SCRN3: variants seen among roughly 807,000 people sequenced by gnomAD.
SCRN3 encodes the protein secernin 3.
A neutral mutation model predicts 43.1 loss-of-function variants in SCRN3; 39 were observed. That is an observed-to-expected ratio of 0.91 (90% CI 0.70 to 1.18). The LOEUF is 1.18. SCRN3 is among the 50% of genes most tolerant of loss of function. The pLI, the probability that SCRN3 is intolerant of heterozygous loss-of-function variation, is 0.00. For synonymous variants in SCRN3, 147 were observed against 163.1 expected (o/e 0.90, Z 0.75); for missense variants, 484 against 498.0 (o/e 0.97, Z 0.27).
intron 5 of SCRN3, among the ~76,000 whole-genome samples, chr2:174,421,039 G>T (rs1686275804): frequency 6.6e-6 from 1 of 152,000 alleles, no homozygotes; most frequent in South Asian, 2.1e-4. Context: ...AGATTTCTGA[G>T]GGGGAAAAAA....
intron 5 of SCRN3, among the ~76,000 whole-genome samples, chr2:174,418,939 G>A (rs1468529375): frequency 1.3e-5 from 2 of 152,124 alleles, no homozygotes; most frequent in African/African-American, 2.4e-5. Flanking sequence ...TTGAAGTAAT[G>A]GCTATATTGT....
rs1331120519 is a variant in SCRN3, at chr2:174,403,957, T to C, written c.542-146T>C. On this transcript the variant is annotated intron_variant, in intron 4 of 7. Transcript: ENST00000272732. Reference sequence around the variant, plus strand: ...TTTTAAAAGTAATTCATTTATCTTTTTGAATATGTAATAGATGCCCATGGC... The same window carrying C: ...TTTTAAAAGTAATTCATTTATCTTTCTGAATATGTAATAGATGCCCATGGC... 1.0e-5 allele frequency: 6 copies of C among 579,056 alleles called. No individual in the cohort carries two copies. The East Asian group carries it at 1.7e-4, about 17-fold the overall frequency. The allele number at this position is 579,056 out of a possible 1,614,324, so 35.9% of individuals were successfully genotyped here.
At chr2:174,412,973 A>C (rs1685978560) in intron 5 of SCRN3, among the ~76,000 whole-genome samples, 1 of 144,864 alleles carries the variant, frequency 6.9e-6, no homozygotes, top group Non-Finnish European at 1.5e-5. Context: ...GGTTCAAGCG[A>C]TTCTCCTGCC....
intron 5 of SCRN3, among the ~76,000 whole-genome samples, chr2:174,413,563 ACTTTT>A (rs1255135577): frequency 1.9e-5 from 2 of 107,984 alleles, no homozygotes; most frequent in African/African-American, 3.3e-5. Flanking sequence ...TTGCCCCCTC[ACTTTT>A]CTTTTTTTTT....
Position 174,398,498 on chromosome 2 carries a change from A to G in SCRN3, c.159+56A>G, listed in dbSNP as rs565609157. On this transcript the variant is annotated intron_variant, in intron 2 of 7. Coordinates refer to ENST00000272732, the MANE Select transcript of SCRN3 (RefSeq NM_024583.5). ...TGCCTTTTAAAAATATCATAAAGTTATTTCTATACATAGCAATTTGGAAGA... is the reference window on the plus strand; with the variant it reads ...TGCCTTTTAAAAATATCATAAAGTTGTTTCTATACATAGCAATTTGGAAGA... 3.5e-6 allele frequency: 5 copies of G among 1,423,734 alleles called. No individual in the cohort carries two copies. The East Asian group carries it at 1.3e-4, about 36-fold the overall frequency. The allele number at this position is 1,423,734 out of a possible 1,614,324, so 88.2% of individuals were successfully genotyped here. A position where few individuals can be genotyped will look rare whatever the true frequency, so the allele number is the denominator to read the frequency against.
chr2:174,418,143 A>G (rs1325042598), intron 5 of SCRN3, among the ~76,000 whole-genome samples: 1 of 152,254 alleles, frequency 6.6e-6, no homozygotes, highest in African/African-American at 2.4e-5. Context: ...ATAATAATTC[A>G]GTTATATTTA....
chr2:174,421,251 A>G (rs9679682), intron 5 of SCRN3, among the ~76,000 whole-genome samples: 81,640 of 152,064 alleles, frequency 0.54, 23,376 homozygotes, highest in African/African-American at 0.71. Flanking sequence ...AGGTGAAATA[A>G]AACAGAGAAT....
At chr2:174,403,512 A>C (rs1469440609) in intron 4 of SCRN3, among the ~76,000 whole-genome samples, 2 of 149,568 alleles carry the variant, frequency 1.3e-5, no homozygotes, top group Non-Finnish European at 3.0e-5. Context: ...CATTCATACC[A>C]TGGAATATTA....
intron 1 of SCRN3, 84 bp from the exon 2 acceptor site, chr2:174,398,191 A>T: frequency 1.3e-6 from 1 of 791,732 alleles, no homozygotes; most frequent in Non-Finnish European, 1.9e-6. Flanking sequence ...TGGCAATAAT[A>T]TCCTTTGGTC....
At chr2:174,398,106 TG>T in intron 1 of SCRN3, 168 bp from the exon 2 acceptor site, 1 of 396,896 alleles carries the variant, frequency 2.5e-6, no homozygotes, top group Non-Finnish European at 4.4e-6. Context: ...CCAGCCTGGG[TG>T]AAAGAGCTAG....
rs140532560 is a variant in SCRN3 at position 174,404,154 on chromosome 2, G to A, written c.593G>A (p.Arg198Gln). The A allele has an allele frequency of 1.4e-5, 22 of 1,613,678 alleles. No homozygotes were observed. In the African/African-American group the frequency reaches 1.9e-4, roughly 14 times the overall value. ...NQLSITTKIA[R>Q]EHPDMRNYAK... ...CTTTCCATAACAACCAAGATTGCCCGGGAACACCCAGACATGAGAAACTAT... is the reference window on the plus strand; with the variant it reads ...CTTTCCATAACAACCAAGATTGCCCAGGAACACCCAGACATGAGAAACTAT... Residue 198 changes from arginine to glutamine, a missense_variant, in exon 5 of 8, where the codon CGG becomes CAG. Physicochemically the swap from Arg to Gln is conservative, Grantham distance 43. Transcript: ENST00000272732.
chr2:174,401,958 G>T (rs1685521990), intron 4 of SCRN3, among the ~76,000 whole-genome samples: 2 of 152,152 alleles, frequency 1.3e-5, no homozygotes, highest in Admixed American at 6.5e-5. Context: ...TAGATGATTT[G>T]AACATTTAGA....
At chr2:174,396,333 T>A (rs910702377) in intron 1 of SCRN3, 120 of 985,792 alleles carry the variant, frequency 1.2e-4, no homozygotes, top group Non-Finnish European at 1.4e-4. Flanking sequence ...GTGGGCTAGG[T>A]GCAATTCTAA....
In SCRN3 at chr2:174,424,774, G is replaced by A. The variant is rs543663036; in HGVS notation, c.1092+125G>A. Reference sequence around the variant, plus strand: ...AAATAGTTTTAGGAATAGTTTAGATGCTCAGACTATAGTAGAGCTGTATTA... The same window carrying A: ...AAATAGTTTTAGGAATAGTTTAGATACTCAGACTATAGTAGAGCTGTATTA... On this transcript the variant is annotated intron_variant, in intron 7 of 7. Transcript: ENST00000272732. 4.7e-4 allele frequency: 320 copies of A among 682,970 alleles called. 4 individuals are homozygous for A. In the East Asian group the frequency reaches 8.8e-3, roughly 19 times the overall value. 42.3% of individuals were successfully genotyped at this position (682,970 alleles called of 1,614,324 possible).
chr2:174,419,432 T>A (rs1439831574), intron 5 of SCRN3, among the ~76,000 whole-genome samples: 2 of 152,148 alleles, frequency 1.3e-5, no homozygotes, highest in Admixed American at 1.3e-4. Context: ...CAGGCTGGAG[T>A]GCGGTGGCAC....
At chr2:174,403,704 G>A (rs1685583504) in intron 4 of SCRN3, among the ~76,000 whole-genome samples, 1 of 152,148 alleles carries the variant, frequency 6.6e-6, no homozygotes, top group South Asian at 2.1e-4. Flanking sequence ...GATTTGGGGT[G>A]GGAGATAAGT....
At chr2:174,402,479 G>A (rs1014185828) in intron 4 of SCRN3, among the ~76,000 whole-genome samples, 2 of 152,182 alleles carry the variant, frequency 1.3e-5, no homozygotes, top group African/African-American at 4.8e-5. Context: ...CTTCAGCCCA[G>A]GAGTGTGAGA....
At chr2:174,424,283 G>T (rs1204053581) in intron 6 of SCRN3, among the ~76,000 whole-genome samples, 192 bp from the exon 7 acceptor site, 1 of 152,186 alleles carries the variant, frequency 6.6e-6, no homozygotes, top group Admixed American at 6.5e-5. Flanking sequence ...ATAAAGTATG[G>T]TTCCCTGCCC....
chr2:174,415,927 G>A (rs186663605), intron 5 of SCRN3, among the ~76,000 whole-genome samples: 8 of 152,282 alleles, frequency 5.3e-5, no homozygotes, highest in East Asian at 1.9e-4. Flanking sequence ...TTACAGGTGC[G>A]AGCCATTGTG....
Sources: allele counts gnomAD v4.1 joint callset (sites outside exome capture counted in the v4.1 genomes callset), GRCh38; gene constraint gnomAD v4.1.1; transcripts MANE v1.5; gene names NCBI Gene and HGNC (gene_info 2026-07-23, HGNC 2026-07-21).